Variants in GPHN observed in about 807,000 individuals in gnomAD.
GPHN encodes gephyrin.
Under a neutral mutation model 95.5 loss-of-function variants are expected in GPHN, and 17 were observed. The observed-to-expected ratio is 0.18, with a 90% CI of 0.12 to 0.27. The LOEUF is 0.27. GPHN is among the 10% of genes least tolerant of loss of function. The probability of loss-of-function intolerance (pLI) is 1.00; values close to 1 mark genes in which losing one functional copy is unlikely to be tolerated. For synonymous variants in GPHN, 320 were observed against 322.5 expected, an observed-to-expected ratio of 0.99 and a Z score of 0.08; for missense variants, 660 against 978.1, an observed-to-expected ratio of 0.67 and a Z score of 4.34.
chr14:67,418,285 C>T, the GPHN span, among the ~76,000 whole-genome samples: 3 of 152,166 alleles, frequency 2.0e-5, no homozygotes, highest in Non-Finnish European at 4.4e-5. Context: ...CTGTCCAGGT[C>T]CAAGCCTTGC....
At position 67,094,583 on chromosome 14, in the gene GPHN, C is replaced by A. The variant is rs17103940; in HGVS notation, c.1237+5508C>A. On this transcript the variant is annotated intron_variant, in intron 12 of 22. Coordinates refer to ENST00000478722, the MANE Select transcript of GPHN (RefSeq NM_020806.5). Reference sequence around the variant, plus strand: ...TTTTTTTCTTTCCAAGCTCTAGGTTCATGTGCTATCATGCCTCCGCTTCTG... The same window carrying A: ...TTTTTTTCTTTCCAAGCTCTAGGTTAATGTGCTATCATGCCTCCGCTTCTG... 3.0e-3 allele frequency among the ~76,000 whole-genome samples: 453 copies of A among 152,228 alleles called. 3 individuals are homozygous for A. Among genetic ancestry groups the A allele is most frequent in the African/African-American group, 0.01 (435 of 41,546 alleles).
At chr14:67,726,511 ATGGGT>A in the GPHN span, among the ~76,000 whole-genome samples, 1 of 152,174 alleles carries the variant, frequency 6.6e-6, no homozygotes, top group Non-Finnish European at 1.5e-5. Context: ...CAACCAAGCC[ATGGGT>A]TGGTCCACGG....
At chr14:67,055,352 A>G (rs534603132) in intron 10 of GPHN, among the ~76,000 whole-genome samples, 1 of 152,244 alleles carries the variant, frequency 6.6e-6, no homozygotes, top group Non-Finnish European at 1.5e-5. Context: ...ATGCAAATCA[A>G]AAACACAATG....
intron 8 of GPHN, among the ~76,000 whole-genome samples, chr14:66,962,292 T>A (rs2069005436): frequency 6.6e-6 from 1 of 151,562 alleles, no homozygotes; most frequent in Non-Finnish European, 1.5e-5. Flanking sequence ...CAACTGTATA[T>A]CTGCAATAAT....
intron 3 of GPHN, among the ~76,000 whole-genome samples, chr14:66,777,746 A>G (rs2059436320): frequency 6.6e-6 from 1 of 152,240 alleles, no homozygotes; most frequent in Non-Finnish European, 1.5e-5. Flanking sequence ...CAATACATGA[A>G]GAAAAGGCCT....
At chr14:67,009,388 T>C (rs1360371324) in intron 9 of GPHN, among the ~76,000 whole-genome samples, 1 of 152,108 alleles carries the variant, frequency 6.6e-6, no homozygotes, top group Admixed American at 6.6e-5. Context: ...CATAAATAAA[T>C]TAGATACAAT....
At chr14:67,656,466 T>C in the GPHN span, 14 of 1,613,748 alleles carry the variant, frequency 8.7e-6, no homozygotes, top group African/African-American at 1.3e-5. Flanking sequence ...AGCTCTTCTA[T>C]GATTTCTGAG....
chr14:67,424,089 A>C, the GPHN span, among the ~76,000 whole-genome samples: 8 of 152,042 alleles, frequency 5.3e-5, no homozygotes, highest in East Asian at 1.6e-3. Context: ...AATACAAAAA[A>C]ATTAGCCAAG....
intron 2 of GPHN, among the ~76,000 whole-genome samples, chr14:66,743,904 G>A (rs2073023339): frequency 6.6e-6 from 1 of 152,124 alleles, no homozygotes. Flanking sequence ...ATCACCACTA[G>A]TGAAGAATAA....
the GPHN span, among the ~76,000 whole-genome samples, chr14:67,440,778 T>C: frequency 6.6e-6 from 1 of 151,614 alleles, no homozygotes; most frequent in African/African-American, 2.4e-5. Context: ...ACTCCCAGTT[T>C]GCCCTGATGC....
At chr14:67,600,222 C>A in the GPHN span, 2 of 1,552,260 alleles carry the variant, frequency 1.3e-6, no homozygotes, top group South Asian at 1.2e-5. Context: ...CACTCGGCCG[C>A]CCGCACCGCG....
intron 1 of GPHN, among the ~76,000 whole-genome samples, chr14:66,530,979 G>T (rs552813660): frequency 8.2e-6 from 1 of 121,318 alleles, no homozygotes; most frequent in Non-Finnish European, 1.6e-5. Flanking sequence ...TTTTTGATAC[G>T]GAGTCTCTCT....
At chr14:67,160,729 A>G (rs1310040709) in intron 19 of GPHN, among the ~76,000 whole-genome samples, 2 of 152,192 alleles carry the variant, frequency 1.3e-5, no homozygotes, top group African/African-American at 4.8e-5. Flanking sequence ...GAGGCTTCTC[A>G]GTTGTTGTAA....
At chr14:67,323,555 A>T in the GPHN span, 3 of 246,256 alleles carry the variant, frequency 1.2e-5, no homozygotes, top group Non-Finnish European at 2.3e-5. Flanking sequence ...TTGAGGTTGC[A>T]GAGAGCTGTG....
chr14:67,587,518 T>G, the GPHN span: 4 of 449,596 alleles, frequency 8.9e-6, no homozygotes, highest in African/African-American at 8.0e-5. Flanking sequence ...ACAGGGATGA[T>G]CCACTGTTAC....
At chr14:67,137,785 T>G (rs550048064) in intron 17 of GPHN, among the ~76,000 whole-genome samples, 30 of 152,134 alleles carry the variant, frequency 2.0e-4, no homozygotes, top group Non-Finnish European at 3.5e-4. Flanking sequence ...AAAAAGAGAT[T>G]TATCTTTAAA....
chr14:66,866,064 A>G (rs1430531906), intron 4 of GPHN, among the ~76,000 whole-genome samples: 1 of 152,118 alleles, frequency 6.6e-6, no homozygotes, highest in Non-Finnish European at 1.5e-5. Flanking sequence ...AGTAGATACA[A>G]CCAGTTTCTT....
chr14:66,959,517 G>A (rs1446458273), intron 8 of GPHN, among the ~76,000 whole-genome samples: 12 of 152,106 alleles, frequency 7.9e-5, no homozygotes, highest in Non-Finnish European at 1.6e-4. Context: ...CTTCGTTTTT[G>A]AAGTTTAGTT....
At chr14:67,371,334 G>A in the GPHN span, among the ~76,000 whole-genome samples, 9 of 151,286 alleles carry the variant, frequency 5.9e-5, no homozygotes, top group Admixed American at 1.3e-4. Context: ...GTGGGAGGAC[G>A]GCTTGAGCCC....
Sources: allele counts gnomAD v4.1 joint callset (sites outside exome capture counted in the v4.1 genomes callset), GRCh38; gene constraint gnomAD v4.1.1; transcripts MANE v1.5; gene names NCBI Gene and HGNC (gene_info 2026-07-23, HGNC 2026-07-21).